The following NRDE2 variants were observed in gnomAD, a reference collection of about 807,000 sequenced individuals.
The protein encoded by NRDE2 is NRDE-2, necessary for RNA interference, domain containing.
A neutral mutation model predicts 124.2 loss-of-function variants in NRDE2; 76 were observed. The observed-to-expected ratio is 0.61, with a 90% CI of 0.51 to 0.74. NRDE2 has a LOEUF of 0.74. NRDE2 is among the 30% of genes least tolerant of loss of function. NRDE2 has a pLI of 0.00. For synonymous variants in NRDE2, 489 were observed against 528.1 expected (o/e 0.93, Z 1.01); for missense variants, 1,314 against 1,417.3 (o/e 0.93, Z 1.17).
At position 90,278,217 on chromosome 14, in the gene NRDE2, C is replaced by A. The variant is rs115701639; in HGVS notation, c.*119G>T. 4,178 of 1,232,980 alleles carry A rather than the reference C, an allele frequency of 3.4e-3. 109 individuals carry two copies. In the African/African-American group the frequency reaches 0.055, roughly 16 times the overall value. The allele number at this position is 1,232,980 out of a possible 1,614,324, so 76.4% of individuals were successfully genotyped here. A position where few individuals can be genotyped will look rare whatever the true frequency, so the allele number is the denominator to read the frequency against. On this transcript the variant is annotated 3_prime_UTR_variant, in exon 14 of 14. Transcript: ENST00000354366. Reference sequence around the variant, plus strand: ...GGCTGGCAGCCCACATTATTACTATCGAGAAAGAACATTTCAAAAGCCGAG... The same window carrying A: ...GGCTGGCAGCCCACATTATTACTATAGAGAAAGAACATTTCAAAAGCCGAG...
Position 90,312,529 on chromosome 14 carries a change from G to C in NRDE2, c.422C>G (p.Ala141Gly), listed in dbSNP as rs371278516. Residue 141 changes from alanine to glycine, a missense_variant, in exon 4 of 14, where the codon GCT (alanine) becomes GGT (glycine). Coordinates refer to ENST00000354366, the MANE Select transcript of NRDE2 (RefSeq NM_017970.4). ...AAAGCGATGTCCAGTATCAGCTGCA[G>C]CATTATTTCCTTGACTGTGGGACAA... ...ESEEPNQGNNAAADTGHRFVW... is the reference protein window; with the variant it reads ...ESEEPNQGNNGAADTGHRFVW... The C allele has an allele frequency of 6.2e-7, 1 of 1,614,128 alleles. No individual in the cohort carries two copies. Among genetic ancestry groups the C allele is most frequent in the Non-Finnish European group, 8.5e-7 (1 of 1,180,026 alleles).
At position 90,304,351 on chromosome 14, in the gene NRDE2, T is replaced by C. The variant is rs1411970824; in HGVS notation, c.589A>G (p.Ile197Val). Residue 197 changes from isoleucine to valine, a missense_variant, in exon 5 of 14, where the codon ATT (isoleucine) becomes GTT (valine). By Grantham distance (29) the Ile-to-Val change is conservative. Transcript: ENST00000354366. ...YKRKGDSCLG[I>V]NPKKQCISWE... ...GATATGCACTGCTTCTTAGGGTTAA[T>C]GCCAAGGCAGGAGTCTCCTTTCCTC... 16 of 1,612,194 alleles carry C rather than the reference T, an allele frequency of 9.9e-6. No individual in the cohort carries two copies. The highest frequency in any genetic ancestry group is 1.3e-5 in the African/African-American group (1 of 74,816).
At chr14:90,319,551 T>C (rs57101715) in intron 1 of NRDE2, among the ~76,000 whole-genome samples, 46,264 of 151,908 alleles carry the variant, frequency 0.3, 7,077 homozygotes, top group South Asian at 0.35. Context: ...TCTATCTCTC[T>C]AGATTTGCCT....
At chr14:90,300,101 A>G (rs1465421592) in intron 7 of NRDE2, among the ~76,000 whole-genome samples, 1 of 152,170 alleles carries the variant, frequency 6.6e-6, no homozygotes, top group Non-Finnish European at 1.5e-5. Context: ...TCACATTTGT[A>G]GGCAGAACCC....
At chr14:90,307,168 T>C (rs1410229970) in intron 4 of NRDE2, among the ~76,000 whole-genome samples, 1 of 152,214 alleles carries the variant, frequency 6.6e-6, no homozygotes, top group Non-Finnish European at 1.5e-5. Context: ...ATAGTTGATA[T>C]CACATAGTTT....
chr14:90,268,479 A>G lies in NRDE2; in HGVS notation c.*9857T>C. On this transcript the variant is annotated 3_prime_UTR_variant, in exon 14 of 14. Coordinates refer to ENST00000354366, the MANE Select transcript of NRDE2 (RefSeq NM_017970.4). ...ACACCGCATAGCTCTTCTCTTGAGA[A>G]TGAGCAATCTCAGGGGGCTCTCCCT... 1 of 1,504,612 alleles carries G rather than the reference A, an allele frequency of 6.6e-7. No homozygotes were observed. Among genetic ancestry groups the G allele is most frequent in the African/African-American group, 1.4e-5 (1 of 72,264 alleles). 93.2% of individuals were successfully genotyped at this position (1,504,612 alleles called of 1,614,324 possible).
chr14:90,286,570 T>C, intron 11 of NRDE2, 78 bp from the exon 12 acceptor site: 2 of 1,522,860 alleles, frequency 1.3e-6, no homozygotes, highest in Non-Finnish European at 1.8e-6. Flanking sequence ...GCCTGAGTGA[T>C]GATAAGTGTC....
chr14:90,301,885 A>G, intron 6 of NRDE2: 1 of 454,300 alleles, frequency 2.2e-6, no homozygotes, highest in Non-Finnish European at 4.4e-6. Flanking sequence ...AATAACACTA[A>G]GCTATTTGTG....
chr14:90,286,545 A>C, intron 11 of NRDE2, 53 bp from the exon 12 acceptor site: 1 of 1,584,368 alleles, frequency 6.3e-7, no homozygotes, highest in Admixed American at 1.8e-5. Context: ...ATCCTACATC[A>C]CAGAAGGAAG....
Position 90,270,151 on chromosome 14 carries a change from C to A in NRDE2, c.*8185G>T. On this transcript the variant is annotated 3_prime_UTR_variant, in exon 14 of 14. Transcript: ENST00000354366. ...CTGAGGCCTCTGAGCCATGGCCGAG[C>A]CTGGGTTTGGATGTTGGTGTGACTT... 6.3e-7 allele frequency: 1 copy of A among 1,596,258 alleles called. No individual in the cohort carries two copies. The highest frequency in any genetic ancestry group is 8.6e-7 in the Non-Finnish European group (1 of 1,167,646).
chr14:90,302,380 G>T (rs1209561177), intron 6 of NRDE2, among the ~76,000 whole-genome samples: 1 of 152,156 alleles, frequency 6.6e-6, no homozygotes, highest in African/African-American at 2.4e-5. Context: ...GGACATTACT[G>T]CCTGGGACCC....
At chr14:90,312,655 T>C (rs1884888976) in intron 3 of NRDE2, 112 bp from the exon 4 acceptor site, 2 of 963,226 alleles carry the variant, frequency 2.1e-6, no homozygotes, top group East Asian at 4.8e-5. Context: ...CCACATGGCA[T>C]CAAACACACC....
At chr14:90,328,959 A>G (rs374188924) in intron 1 of NRDE2, among the ~76,000 whole-genome samples, 13 of 152,346 alleles carry the variant, frequency 8.5e-5, no homozygotes, top group East Asian at 5.8e-4. Flanking sequence ...CATTTTTGAA[A>G]CATCTCGTGA....
At chr14:90,279,279 G>T in intron 12 of NRDE2, 146 bp from the exon 13 acceptor site, 1 of 657,268 alleles carries the variant, frequency 1.5e-6, no homozygotes, top group East Asian at 2.6e-5. Context: ...GGTGGCTGTG[G>T]GACAGGGGCA....
At chr14:90,301,560 G>A (rs1884404499) in intron 6 of NRDE2, among the ~76,000 whole-genome samples, 188 bp from the exon 7 acceptor site, 1 of 152,150 alleles carries the variant, frequency 6.6e-6, no homozygotes, top group Non-Finnish European at 1.5e-5. Context: ...AAGTATGTTT[G>A]TTCTAATTTT....
At chr14:90,330,206 C>CAAAAAA (rs5810495) in intron 1 of NRDE2, among the ~76,000 whole-genome samples, 9 of 132,210 alleles carry the variant, frequency 6.8e-5, no homozygotes, top group Non-Finnish European at 1.1e-4. Flanking sequence ...GACTTGGTCT[C>CAAAAAA]AAAAAAAAAA....
chr14:90,274,988 ACAT>A lies in NRDE2; in HGVS notation c.*3345_*3347del, dbSNP rs201350916. On this transcript the variant is annotated 3_prime_UTR_variant, in exon 14 of 14. Coordinates refer to ENST00000354366, the MANE Select transcript of NRDE2 (RefSeq NM_017970.4). ...CCGTCTTCACCAAGTGGTCAAATGCACATCATCAGTAATGGGCACTTTGAAAGT... is the reference window on the plus strand; with the variant it reads ...CCGTCTTCACCAAGTGGTCAAATGCACATCAGTAATGGGCACTTTGAAAGT... The A allele has an allele frequency of 2.1e-4, 32 of 152,406 alleles. No homozygotes were observed. The East Asian group carries it at 6.0e-3, about 28-fold the overall frequency. The allele number at this position is 152,406 out of a possible 1,614,324, so 9.4% of individuals were successfully genotyped here. A position where few individuals can be genotyped will look rare whatever the true frequency, so the allele number is the denominator to read the frequency against.
At chr14:90,280,118 GTTTTT>G (rs1241667308) in intron 12 of NRDE2, 3 of 151,854 alleles carry the variant, frequency 2.0e-5, no homozygotes, top group Admixed American at 6.6e-5. Context: ...TTTTTGTTTG[GTTTTT>G]TTGGTTTTTT....
intron 9 of NRDE2, among the ~76,000 whole-genome samples, chr14:90,291,033 G>A (rs934706022): frequency 3.3e-5 from 5 of 152,114 alleles, no homozygotes; most frequent in Non-Finnish European, 2.9e-5. Context: ...TACTATTTGT[G>A]GTTTCCTTGT....
Sources: allele counts gnomAD v4.1 joint callset (sites outside exome capture counted in the v4.1 genomes callset), GRCh38; gene constraint gnomAD v4.1.1; transcripts MANE v1.5; gene names NCBI Gene and HGNC (gene_info 2026-07-23, HGNC 2026-07-21).